Variants in ADGRA2 observed in about 807,000 individuals in gnomAD.
The protein encoded by ADGRA2 is adhesion G protein-coupled receptor A2.
Under a neutral mutation model 98.7 loss-of-function variants are expected in ADGRA2, and 61 were observed. That is an observed-to-expected ratio of 0.62 (90% CI 0.50 to 0.76). The LOEUF is 0.76. Among genes scored for constraint, ADGRA2 ranks in the 30% least tolerant of loss-of-function variants. The pLI, the probability that ADGRA2 is intolerant of heterozygous loss-of-function variation, is 0.00. For missense variants in ADGRA2, 1,712 were observed against 1,860.0 expected (o/e 0.92, Z 1.46); for synonymous variants, 858 against 831.5 (o/e 1.03, Z -0.55).
intron 13 of ADGRA2, among the ~76,000 whole-genome samples, chr8:37,836,531 C>A (rs1291593326): frequency 6.6e-6 from 1 of 152,168 alleles, no homozygotes; most frequent in Non-Finnish European, 1.5e-5. Flanking sequence ...TGCAGTCCCC[C>A]TTTTGTCGTT....
rs1805774404 is a variant in ADGRA2 at position 37,841,027 on chromosome 8, C to A, written c.2748-59C>A. 6.9e-7 allele frequency: 1 copy of A among 1,457,844 alleles called. No homozygotes were observed. The highest frequency in any genetic ancestry group is 1.8e-5 in the Admixed American group (1 of 56,414). The allele number at this position is 1,457,844 out of a possible 1,614,324, so 90.3% of individuals were successfully genotyped here. ...ATCCTGTCTCCCCAACCACCCCGGC[C>A]CCCAGCCCCACCCCAGCCATGCCCC... On this transcript the variant is annotated intron_variant, in intron 18 of 18. Transcript: ENST00000412232. The surrounding 1 kb of genome is among the most constrained non-coding windows in gnomAD (Gnocchi z 5.0).
In ADGRA2 at chr8:37,829,857, G is replaced by T. The variant is rs1225896263; in HGVS notation, c.561G>T (p.Leu187Phe). Residue 187 changes from leucine (L) to phenylalanine (F), a missense_variant, in exon 6 of 19, where the codon TTG (leucine) becomes TTT (phenylalanine). Physicochemically the swap from Leu to Phe is conservative, Grantham distance 22. Coordinates refer to ENST00000412232, the MANE Select transcript of ADGRA2 (RefSeq NM_032777.10). ...DELPALKVVD[L>F]GTEFLTCDCH... ...CCCTCTGCCCACCCTGCAGGGACTT[G>T]GGCACCGAGTTCCTGACCTGTGACT... The T allele has an allele frequency of 6.2e-7, 1 of 1,610,848 alleles. No individual in the cohort carries two copies. Among genetic ancestry groups the T allele is most frequent in the Non-Finnish European group, 8.5e-7 (1 of 1,178,982 alleles).
chr8:37,840,951 A>C, intron 18 of ADGRA2, 102 bp downstream of exon 18: 1 of 1,156,154 alleles, frequency 8.6e-7, no homozygotes. Flanking sequence ...CCATAACCCA[A>C]CCCAAGCCCA....
chr8:37,803,505 C>G (rs898754997), intron 1 of ADGRA2, among the ~76,000 whole-genome samples: 1 of 152,186 alleles, frequency 6.6e-6, no homozygotes, highest in Non-Finnish European at 1.5e-5. Flanking sequence ...TTTTCATTCC[C>G]CCAGCCCAGC....
In ADGRA2 at chr8:37,841,294, CTGAG is replaced by C; in HGVS notation, c.2960_2963del (p.Ser987ThrfsTer32). The C allele has an allele frequency of 1.2e-6, 2 of 1,610,050 alleles. No individual in the cohort carries two copies. The highest frequency in any genetic ancestry group is 1.7e-6 in the Non-Finnish European group (2 of 1,178,194). On this transcript the variant is annotated frameshift_variant, in exon 19 of 19. Coordinates refer to ENST00000412232, the MANE Select transcript of ADGRA2 (RefSeq NM_032777.10). LOFTEE classifies it low-confidence loss of function (END_TRUNC). The surrounding 1 kb of genome is among the most constrained non-coding windows in gnomAD (Gnocchi z 5.0). ...CAGGCTCAGGGGCAGCGGCCCCCTCCTGAGTGACTCAGGTTCCCTTCTTGCTACT... is the reference window on the plus strand; with the variant it reads ...CAGGCTCAGGGGCAGCGGCCCCCTCCTGACTCAGGTTCCCTTCTTGCTACT...
At chr8:37,838,807 T>A (rs1433556154) in intron 14 of ADGRA2, 149 bp from the exon 15 acceptor site, 2 of 847,834 alleles carry the variant, frequency 2.4e-6, no homozygotes, top group Non-Finnish European at 3.5e-6. Context: ...TTCCTAAGAG[T>A]GGACAGCCCG....
intron 2 of ADGRA2, among the ~76,000 whole-genome samples, chr8:37,825,299 A>G (rs1805243826): frequency 6.6e-6 from 1 of 152,202 alleles, no homozygotes; most frequent in South Asian, 2.1e-4. Flanking sequence ...GGCGTGCAGC[A>G]GTGGCGAAAT....
intron 2 of ADGRA2, among the ~76,000 whole-genome samples, chr8:37,826,072 C>T (rs921585926): frequency 4.2e-5 from 6 of 142,858 alleles, no homozygotes; most frequent in African/African-American, 1.6e-4. Flanking sequence ...GTGGGGCAGG[C>T]GGGTGGGGGC....
intron 2 of ADGRA2, among the ~76,000 whole-genome samples, chr8:37,815,733 C>G (rs956904552): frequency 6.6e-6 from 1 of 152,196 alleles, no homozygotes; most frequent in Non-Finnish European, 1.5e-5. Context: ...TGGGAGACCT[C>G]ACTCAGCCAC....
chr8:37,813,461 A>G (rs886395245), intron 1 of ADGRA2, among the ~76,000 whole-genome samples: 2 of 152,220 alleles, frequency 1.3e-5, no homozygotes, highest in East Asian at 1.9e-4. Context: ...AATATCCCAT[A>G]TAACGACTAC....
intron 1 of ADGRA2, among the ~76,000 whole-genome samples, chr8:37,800,676 G>A (rs78863205): frequency 0.066 from 9,969 of 152,068 alleles, 968 homozygotes; most frequent in African/African-American, 0.21. Flanking sequence ...TTGAGGTATC[G>A]CTCTCTGAGC....
Position 37,842,053 on chromosome 8 carries a change from G to T in ADGRA2, c.3715G>T (p.Gly1239Cys). ...CCTGGGCAGCAGCCGCAACAGCCCG[G>T]GCGCCGGCCTGCAGCTGGAAGGCGA... ...SYLGSSRNSPGAGLQLEGEPM... is the reference protein window; with the variant it reads ...SYLGSSRNSPCAGLQLEGEPM... The change falls in exon 19 of 19, where the codon GGC (glycine) becomes TGC (cysteine). Residue 1239 changes from glycine to cysteine, a missense_variant. By Grantham distance (159) the Gly-to-Cys change is radical. Coordinates refer to ENST00000412232, the MANE Select transcript of ADGRA2 (RefSeq NM_032777.10). The T allele has an allele frequency of 6.6e-7, 1 of 1,517,496 alleles. No homozygotes were observed. Among genetic ancestry groups the T allele is most frequent in the South Asian group, 1.2e-5 (1 of 82,120 alleles). 94.0% of individuals were successfully genotyped at this position (1,517,496 alleles called of 1,614,324 possible).
chr8:37,824,292 G>A (rs1805206900), intron 2 of ADGRA2, among the ~76,000 whole-genome samples: 1 of 151,808 alleles, frequency 6.6e-6, no homozygotes, highest in African/African-American at 2.4e-5. Flanking sequence ...GCCACCCAGA[G>A]TGCTGGGATT....
intron 2 of ADGRA2, among the ~76,000 whole-genome samples, chr8:37,815,867 G>A (rs1334492447): frequency 1.3e-5 from 2 of 152,156 alleles, no homozygotes; most frequent in Non-Finnish European, 1.5e-5. Context: ...CCTCCACAGA[G>A]GAAGCCTGGG....
At chr8:37,838,040 C>T in intron 14 of ADGRA2, 101 bp downstream of exon 14, 1 of 1,012,180 alleles carries the variant, frequency 9.9e-7, no homozygotes, top group Non-Finnish European at 1.4e-6. Flanking sequence ...TGGAGAAATA[C>T]AGAAAGGACT....
At position 37,844,434 on chromosome 8, in the gene ADGRA2, A is replaced by G; in HGVS notation, c.*2079A>G. 1.3e-6 allele frequency: 2 copies of G among 1,580,654 alleles called. No individual in the cohort carries two copies. The highest frequency in any genetic ancestry group is 1.7e-6 in the Non-Finnish European group (2 of 1,161,342). ...GGTGTACACTTCCATCCTTGGTTAT[A>G]ACAGGAATGTTATCAAGCTGTCAGA... On this transcript the variant is annotated 3_prime_UTR_variant, in exon 19 of 19. Transcript: ENST00000412232.
At chr8:37,803,640 A>G (rs1804570475) in intron 1 of ADGRA2, among the ~76,000 whole-genome samples, 2 of 151,980 alleles carry the variant, frequency 1.3e-5, no homozygotes, top group Admixed American at 1.3e-4. Context: ...GGACTGGGTT[A>G]TGGGGGGAGG....
At position 37,841,873 on chromosome 8, in the gene ADGRA2, G is replaced by A; in HGVS notation, c.3535G>A (p.Gly1179Arg). The change falls in exon 19 of 19, where the codon GGG becomes AGG. Residue 1179 changes from glycine (G) to arginine (R), a missense_variant. Physicochemically the swap from Gly to Arg is moderately radical, Grantham distance 125 (BLOSUM62 -2). Transcript: ENST00000412232. The surrounding 1 kb of genome is among the most constrained non-coding windows in gnomAD (Gnocchi z 5.0). The stretch of plus-strand genomic sequence containing the variant: ...CCGCCACCCCAACAACGTGCACCAC[G>A]GGCGTCGGGCGCACAAGAGCCGGGC... ...AHRHPNNVHH[G>R]RRAHKSRAKG... is the part of the protein sequence containing the mutation. 5 of 1,534,646 alleles carry A rather than the reference G, an allele frequency of 3.3e-6. No individual in the cohort carries two copies. The East Asian group carries it at 9.8e-5, about 30-fold the overall frequency.
intron 1 of ADGRA2, among the ~76,000 whole-genome samples, chr8:37,810,227 T>G (rs1804786704): frequency 6.6e-6 from 1 of 151,976 alleles, no homozygotes; most frequent in African/African-American, 2.4e-5. Flanking sequence ...AGGGTCTCGC[T>G]AGGCTGGGTG....
Sources: allele counts gnomAD v4.1 joint callset (sites outside exome capture counted in the v4.1 genomes callset), GRCh38; gene constraint gnomAD v4.1.1; non-coding constraint Gnocchi (gnomAD v3.1); transcripts MANE v1.5; gene names NCBI Gene and HGNC (gene_info 2026-07-23, HGNC 2026-07-21).